DNAH5: variants seen among roughly 807,000 people sequenced by gnomAD.
DNAH5 encodes the protein dynein axonemal heavy chain 5, also known as axonemal beta dynein heavy chain 5.
DNAH5 carries 372 observed loss-of-function variants against 518.2 expected under a neutral mutation model. The ratio of observed to expected loss-of-function variants is 0.72; its 90% CI spans 0.66 to 0.78. The LOEUF is 0.78. Among genes scored for constraint, DNAH5 ranks in the 30% least tolerant of loss-of-function variants. The probability of loss-of-function intolerance (pLI) is 0.00; values close to 1 mark genes in which losing one functional copy is unlikely to be tolerated. For missense variants in DNAH5, 5,523 were observed against 5,687.0 expected, an observed-to-expected ratio of 0.97 and a Z score of 0.93; for synonymous variants, 2,039 against 2,025.9, an observed-to-expected ratio of 1.01 and a Z score of -0.17.
At chr5:13,808,855 G>A (rs1372769427) in intron 46 of DNAH5, among the ~76,000 whole-genome samples, 189 bp downstream of exon 46, 2 of 152,126 alleles carry the variant, frequency 1.3e-5, no homozygotes. Context: ...AGCTACTCAG[G>A]AGGCTGAGGC....
chr5:13,745,337 A>G (rs1348066761), intron 65 of DNAH5, among the ~76,000 whole-genome samples: 1 of 152,088 alleles, frequency 6.6e-6, no homozygotes, highest in African/African-American at 2.4e-5. Flanking sequence ...TGCATCAGAT[A>G]AACAATTGGA....
intron 30 of DNAH5, among the ~76,000 whole-genome samples, chr5:13,858,469 A>G (rs1250476047): frequency 6.6e-6 from 1 of 152,184 alleles, no homozygotes; most frequent in East Asian, 1.9e-4. Flanking sequence ...CCTAATGTAG[A>G]TGACAGGTTG....
intron 17 of DNAH5, 72 bp downstream of exon 17, chr5:13,890,904 T>G: frequency 6.3e-7 from 1 of 1,575,108 alleles, no homozygotes; most frequent in Non-Finnish European, 8.7e-7. Context: ...ACTTATAACT[T>G]CAAAAAAGTG....
chr5:13,751,415 A>G (rs1239067013), intron 64 of DNAH5, among the ~76,000 whole-genome samples, 155 bp from the exon 65 acceptor site: 2 of 152,216 alleles, frequency 1.3e-5, no homozygotes, highest in African/African-American at 2.4e-5. Flanking sequence ...GCACAGCTTC[A>G]GACAACTAGG....
rs776367147 is a variant in DNAH5, at chr5:13,859,481, C to T, written c.4921G>A (p.Gly1641Arg). The T allele has an allele frequency of 1.2e-6, 2 of 1,613,990 alleles. No individual in the cohort carries two copies. The highest frequency in any genetic ancestry group is 1.7e-6 in the Non-Finnish European group (2 of 1,179,940). The change falls in exon 30 of 79, where the codon GGA (glycine) becomes AGA (arginine). Residue 1641 changes from glycine (G) to arginine (R), a missense_variant. Coordinates refer to ENST00000265104, the MANE Select transcript of DNAH5 (RefSeq NM_001369.3). ...LWIYLEAVFV[G>R]GDIAKQLPKE... ...GGCAGCTGCTTGGCAATGTCTCCTC[C>T]CACAAAGACAGCTTCTAAATAAATC... is the stretch of plus-strand genomic sequence containing the variant.
chr5:13,985,592 G>A (rs1738081576), intron 1 of DNAH5, among the ~76,000 whole-genome samples: 1 of 151,938 alleles, frequency 6.6e-6, no homozygotes, highest in African/African-American at 2.4e-5. Flanking sequence ...AGAACTGTTA[G>A]ATAACAAATG....
At chr5:13,748,161 T>C (rs936192955) in intron 65 of DNAH5, among the ~76,000 whole-genome samples, 4 of 152,240 alleles carry the variant, frequency 2.6e-5, no homozygotes, top group Admixed American at 6.5e-5. Context: ...CTTGTTTTTC[T>C]CAGGTTTGTC....
At chr5:13,783,584 G>A (rs964493160) in intron 52 of DNAH5, among the ~76,000 whole-genome samples, 1 of 152,110 alleles carries the variant, frequency 6.6e-6, no homozygotes, top group African/African-American at 2.4e-5. Flanking sequence ...TCGGGAGGCT[G>A]GCTGGTAAGC....
intron 14 of DNAH5, chr5:13,900,879 T>C: frequency 3.0e-6 from 1 of 327,916 alleles, no homozygotes; most frequent in Non-Finnish European, 5.7e-6. Flanking sequence ...TAACCAGTTG[T>C]ACAACAAAAG....
Position 13,817,398 on chromosome 5 carries a change from A to G in DNAH5, c.6988+150T>C, listed in dbSNP as rs1192579940. On this transcript the variant is annotated intron_variant, in intron 42 of 78. Coordinates refer to ENST00000265104, the MANE Select transcript of DNAH5 (RefSeq NM_001369.3). Reference sequence around the variant, plus strand: ...CTGTAATCAATAATTCCATTATTTCAACTTTCACAAATATCACACTGATTT... The same window carrying G: ...CTGTAATCAATAATTCCATTATTTCGACTTTCACAAATATCACACTGATTT... The G allele has an allele frequency of 5.3e-6, 4 of 754,186 alleles. No individual in the cohort carries two copies. The East Asian group carries it at 1.1e-4, about 21-fold the overall frequency. 46.7% of individuals were successfully genotyped at this position (754,186 alleles called of 1,614,324 possible). A position where few individuals can be genotyped will look rare whatever the true frequency, so the allele number is the denominator to read the frequency against.
intron 52 of DNAH5, 38 bp from the exon 53 acceptor site, chr5:13,780,997 A>G (rs201165842): frequency 6.2e-7 from 1 of 1,608,120 alleles, no homozygotes; most frequent in South Asian, 1.1e-5. Context: ...ATCTTTCAAC[A>G]TGTAAATGTT....
At chr5:13,878,430 C>A (rs560452983) in intron 21 of DNAH5, among the ~76,000 whole-genome samples, 7 of 152,296 alleles carry the variant, frequency 4.6e-5, no homozygotes, top group South Asian at 4.1e-4. Flanking sequence ...GGCACCCCCC[C>A]GCCTAGTGTC....
chr5:13,983,606 C>T (rs1018732648), intron 1 of DNAH5, among the ~76,000 whole-genome samples: 2 of 152,104 alleles, frequency 1.3e-5, no homozygotes, highest in African/African-American at 2.4e-5. Flanking sequence ...CCTCTAGGAC[C>T]GTCTGAAAGG....
chr5:13,976,806 G>A (rs981818406), intron 1 of DNAH5, among the ~76,000 whole-genome samples: 2 of 151,688 alleles, frequency 1.3e-5, no homozygotes, highest in East Asian at 1.9e-4. Flanking sequence ...CATTCCCGGA[G>A]GATAAGGAGG....
chr5:13,739,436 T>C (rs2126633414), intron 65 of DNAH5, among the ~76,000 whole-genome samples: 1 of 152,254 alleles, frequency 6.6e-6, no homozygotes, highest in East Asian at 1.9e-4. Flanking sequence ...CCTTCCGCCA[T>C]GATTGTAAGT....
intron 47 of DNAH5, among the ~76,000 whole-genome samples, chr5:13,798,875 T>C (rs528945694): frequency 6.6e-6 from 1 of 152,002 alleles, no homozygotes; most frequent in Admixed American, 6.6e-5. Context: ...CAAGCGATTC[T>C]CCTGCCTCAG....
Position 13,792,005 on chromosome 5 carries a change from T to G in DNAH5, c.8437A>C (p.Lys2813Gln). 3 of 1,613,818 alleles carry G rather than the reference T, an allele frequency of 1.9e-6. No homozygotes were observed. Among genetic ancestry groups the G allele is most frequent in the Non-Finnish European group, 2.5e-6 (3 of 1,179,784 alleles). The change falls in exon 50 of 79, where the codon AAG becomes CAG. Residue 2813 changes from lysine to glutamine, a missense_variant. Coordinates refer to ENST00000265104, the MANE Select transcript of DNAH5 (RefSeq NM_001369.3). The stretch of plus-strand genomic sequence containing the variant: ...TCAGTGTCACTTACATTTGGTTCCT[T>G]GATGACCTCTGAAGTAGTGTTCAGC... ...GMLNTTSEVI[K>Q]EPNDLLKLWK...
At chr5:13,728,274 G>A (rs1414753703) in intron 69 of DNAH5, among the ~76,000 whole-genome samples, 1 of 152,070 alleles carries the variant, frequency 6.6e-6, no homozygotes, top group Non-Finnish European at 1.5e-5. Flanking sequence ...AGAGAGGCAG[G>A]AATTACATGG....
rs73050025 is a variant in DNAH5 at position 13,741,970 on chromosome 5, T to C, written c.11212-4475A>G. Among the ~76,000 whole-genome samples, 622 of 152,280 alleles carry C rather than the reference T, an allele frequency of 4.1e-3. 8 individuals carry two copies. Among genetic ancestry groups the C allele is most frequent in the African/African-American group, 0.014 (590 of 41,576 alleles). On this transcript the variant is annotated intron_variant, in intron 65 of 78. Transcript: ENST00000265104. ...TGCAGCTAAAGTAGTGGCTGGATTA[T>C]GATAACTGCTCAAAATGTCTCTTCC... is the stretch of plus-strand genomic sequence containing the variant.
Sources: allele counts gnomAD v4.1 joint callset (sites outside exome capture counted in the v4.1 genomes callset), GRCh38; gene constraint gnomAD v4.1.1; transcripts MANE v1.5; gene names NCBI Gene and HGNC (gene_info 2026-07-23, HGNC 2026-07-21).